Variants in HMCN1 observed in about 807,000 individuals in gnomAD.
The protein encoded by HMCN1 is hemicentin 1.
HMCN1 carries 321 observed loss-of-function variants against 625.9 expected under a neutral mutation model. The observed-to-expected ratio is 0.51, with a 90% confidence interval of 0.47 to 0.56. The LOEUF (loss-of-function observed/expected upper bound fraction) is 0.56, where lower values mean the gene tolerates loss of function less well. Ranked by LOEUF, HMCN1 falls within the 20% of genes least tolerant of loss-of-function variation. The pLI, the probability that HMCN1 is intolerant of heterozygous loss-of-function variation, is 0.00. For synonymous variants in HMCN1, 2,425 were observed against 2,417.6 expected, an observed-to-expected ratio of 1.00 and a Z score of -0.09; for missense variants, 6,588 against 6,887.3, an observed-to-expected ratio of 0.96 and a Z score of 1.54.
rs1571373417 is a variant in HMCN1, at chr1:185,802,228, C to G, written c.269-43798C>G. 1.3e-5 allele frequency among the ~76,000 whole-genome samples: 2 copies of G among 152,202 alleles called. 1 individual carries two copies. The highest frequency in any genetic ancestry group is 4.1e-4 in the South Asian group (2 of 4,820). ...TTGTGCAATTGGATGAACATAGGTACTTTTCATAGACATGGGAACCAGTAG... is the reference window on the plus strand; with the variant it reads ...TTGTGCAATTGGATGAACATAGGTAGTTTTCATAGACATGGGAACCAGTAG... On this transcript the variant is annotated intron_variant, in intron 1 of 106. Transcript: ENST00000271588.
chr1:186,030,985 G>A (rs1655396001), intron 36 of HMCN1, among the ~76,000 whole-genome samples: 1 of 151,788 alleles, frequency 6.6e-6, no homozygotes, highest in Non-Finnish European at 1.5e-5. Flanking sequence ...ATTTTTTAAA[G>A]TGCCCATTAC....
At chr1:186,017,760 CTT>C (rs1192222923) in intron 33 of HMCN1, among the ~76,000 whole-genome samples, 2 of 151,886 alleles carry the variant, frequency 1.3e-5, no homozygotes, top group Non-Finnish European at 2.9e-5. Flanking sequence ...GCACTTGTCT[CTT>C]TTCTAATTAA....
At chr1:186,023,290 T>G (rs1571732426) in intron 36 of HMCN1, 137 bp downstream of exon 36, 2 of 472,180 alleles carry the variant, frequency 4.2e-6, no homozygotes, top group African/African-American at 2.8e-5. Flanking sequence ...AACCTAGGGT[T>G]TTTTTTTTTT....
At chr1:185,799,624 G>A (rs1444429052) in intron 1 of HMCN1, among the ~76,000 whole-genome samples, 2 of 152,182 alleles carry the variant, frequency 1.3e-5, no homozygotes, top group African/African-American at 2.4e-5. Flanking sequence ...TGGCAGGTAG[G>A]TCAGTGAGCT....
chr1:185,803,205 C>CAAAAAAAAAAAAAAAAAAAAA, intron 1 of HMCN1, among the ~76,000 whole-genome samples: 41 of 58,770 alleles, frequency 7.0e-4, no homozygotes, highest in East Asian at 2.6e-3. Flanking sequence ...AAAAAAAAAG[C>CAAAAAAAAAAAAAAAAAAAAA]AAAAAAAAAA....
At position 186,055,480 on chromosome 1, in the gene HMCN1, A is replaced by G; in HGVS notation, c.6950A>G (p.Gln2317Arg). ...GKSISLECEV[Q>R]GIPPPTVTWM... ...AGTATCTCCTTGGAGTGTGAGGTGC[A>G]GGGTATTCCACCACCAACAGTGACC... Residue 2317 changes from glutamine to arginine, a missense_variant, in exon 45 of 107, where the codon CAG (glutamine) becomes CGG (arginine). Around this residue, in one of 3 missense-constraint regions of HMCN1, gnomAD observed 4,628 missense variants for 4,853.1 expected, o/e 0.95. Transcript: ENST00000271588. 1 of 1,612,860 alleles carries G rather than the reference A, an allele frequency of 6.2e-7. No homozygotes were observed. Among genetic ancestry groups the G allele is most frequent in the Non-Finnish European group, 8.5e-7 (1 of 1,179,226 alleles).
rs745685739 is a variant in HMCN1, at chr1:186,015,986, C to A, written c.4938C>A (p.Ala1646=). 3.1e-6 allele frequency: 5 copies of A among 1,613,376 alleles called. No individual in the cohort carries two copies. The highest frequency in any genetic ancestry group is 1.7e-5 in the Admixed American group (1 of 59,964). Residue 1646 remains alanine, a synonymous_variant, in exon 32 of 107, where the codon GCC becomes GCA. Coordinates refer to ENST00000271588, the MANE Select transcript of HMCN1 (RefSeq NM_031935.3). ...CTCCAATGATTGAAGGCAACTTGGCCACGCCTTTGAATAAGCAAGTAGTTA... is the reference window on the plus strand; with the variant it reads ...CTCCAATGATTGAAGGCAACTTGGCAACGCCTTTGAATAAGCAAGTAGTTA... ...YVPPMIEGNL[A]TPLNKQVVIA...
intron 13 of HMCN1, among the ~76,000 whole-genome samples, chr1:185,964,674 A>G (rs1650269972): frequency 6.6e-6 from 1 of 152,156 alleles, no homozygotes; most frequent in African/African-American, 2.4e-5. Flanking sequence ...GAAATATAAC[A>G]AGGCAGACAG....
chr1:186,089,872 T>C (rs1027459262), intron 63 of HMCN1, among the ~76,000 whole-genome samples: 6 of 151,904 alleles, frequency 3.9e-5, no homozygotes, highest in African/African-American at 1.4e-4. Flanking sequence ...TAAAATTAGA[T>C]TTATAGAGCT....
At chr1:186,093,006 A>T (rs574213370) in intron 64 of HMCN1, 128 bp from the exon 65 acceptor site, 1 of 1,180,874 alleles carries the variant, frequency 8.5e-7, no homozygotes, top group Non-Finnish European at 1.3e-6. Context: ...GAGACTCGCT[A>T]CTGTAGAATT....
At chr1:185,937,879 T>C (rs185417280) in intron 11 of HMCN1, among the ~76,000 whole-genome samples, 1 of 135,856 alleles carries the variant, frequency 7.4e-6, no homozygotes, top group African/African-American at 2.9e-5. Context: ...AGACTCCATC[T>C]CAAAATAATA....
Position 186,023,087 on chromosome 1 carries a change from A to G in HMCN1, c.5683A>G (p.Arg1895Gly). ...IAKTLLEDAG[R>G]YTCVATNAAG... is the part of the protein sequence containing the mutation. ...CAAAACCCTGTTGGAAGATGCTGGC[A>G]GATACACATGTGTGGCTACCAACGC... Residue 1895 changes from arginine to glycine, a missense_variant, in exon 36 of 107, where the codon AGA becomes GGA. Transcript: ENST00000271588. 6.2e-7 allele frequency: 1 copy of G among 1,613,422 alleles called. No individual in the cohort carries two copies. The highest frequency in any genetic ancestry group is 1.7e-4 in the Middle Eastern group (1 of 6,054).
Position 186,093,617 on chromosome 1 carries a change from C to A in HMCN1, c.10144C>A (p.Pro3382Thr), listed in dbSNP as rs535953685. 1.2e-6 allele frequency: 2 copies of A among 1,613,334 alleles called. No individual in the cohort carries two copies. Among genetic ancestry groups the A allele is most frequent in the Admixed American group, 1.7e-5 (1 of 59,866 alleles). The change falls in exon 66 of 107, where the codon CCT becomes ACT. Residue 3382 changes from proline to threonine, a missense_variant. By Grantham distance (38) the Pro-to-Thr change is conservative. Transcript: ENST00000271588. ...PQINWLKNGL[P>T]LPLSSHIRLL... ...GATAAACTGGCTGAAGAATGGACTT[C>A]CTCTGCCTCTCTCCTCCCATATCCG... is the stretch of plus-strand genomic sequence containing the variant.
intron 97 of HMCN1, among the ~76,000 whole-genome samples, chr1:186,158,843 G>A (rs1373210429): frequency 1.3e-5 from 2 of 151,642 alleles, no homozygotes; most frequent in African/African-American, 4.8e-5. Flanking sequence ...CTGTAGCCTT[G>A]TAGTATAGTT....
chr1:185,913,676 G>T (rs1005415477), intron 6 of HMCN1, among the ~76,000 whole-genome samples: 1 of 152,064 alleles, frequency 6.6e-6, no homozygotes, highest in African/African-American at 2.4e-5. Context: ...CAGGTGATTT[G>T]GACTGGTACC....
rs1185799594 is a variant in HMCN1 at position 186,144,669 on chromosome 1, C to G, written c.14232C>G (p.Val4744=). The G allele has an allele frequency of 1.9e-6, 3 of 1,614,020 alleles. No homozygotes were observed. The highest frequency in any genetic ancestry group is 2.2e-5 in the South Asian group (2 of 91,072). The change falls in exon 91 of 107, where the codon GTC becomes GTG. Residue 4744 remains valine, a synonymous_variant. Transcript: ENST00000271588. ...GAAGGAAATGCGAAGGGAGTGATGT[C>G]CAGAGTGATTTTTGCAACAGTGACC... ...YGGRKCEGSD[V]QSDFCNSDPC...
At chr1:185,757,441 C>T (rs1655206070) in intron 1 of HMCN1, among the ~76,000 whole-genome samples, 1 of 152,142 alleles carries the variant, frequency 6.6e-6, no homozygotes, top group Admixed American at 6.6e-5. Context: ...AGACCTTGCA[C>T]TTGGCTTTAT....
intron 48 of HMCN1, among the ~76,000 whole-genome samples, chr1:186,063,053 TG>T (rs1657820737): frequency 4.3e-5 from 5 of 115,010 alleles, no homozygotes; most frequent in African/African-American, 1.7e-4. Context: ...TGTGTGTGTG[TG>T]TGTGTGTGTG....
chr1:186,124,453 A>G (rs2102499065), intron 81 of HMCN1, among the ~76,000 whole-genome samples: 1 of 152,186 alleles, frequency 6.6e-6, no homozygotes, highest in South Asian at 2.1e-4. Context: ...GCAAGTTTGT[A>G]TCCCGTAACA....
Sources: gnomAD v4.1 joint callset for allele counts (sites outside exome capture counted in the v4.1 genomes callset) on GRCh38, gnomAD v4.1.1 for gene constraint, gnomAD v4.1.1 regional missense constraint, MANE v1.5 for transcripts, NCBI Gene and HGNC (gene_info 2026-07-23, HGNC 2026-07-21) for gene names.